HUWE1: variants seen among roughly 807,000 people sequenced by gnomAD.
HUWE1 encodes HECT, UBA and WWE domain containing E3 ubiquitin protein ligase 1.
A neutral mutation model predicts 299.4 loss-of-function variants in HUWE1; 18 were observed. The observed-to-expected ratio is 0.06, with a 90% CI of 0.04 to 0.09. HUWE1 has a LOEUF of 0.09. HUWE1 is among the 10% of genes least tolerant of loss of function. HUWE1 has a pLI of 1.00. For synonymous variants in HUWE1, 1,317 were observed against 1,286.1 expected (o/e 1.02, Z -0.51); for missense variants, 1,832 against 3,462.3 (o/e 0.53, Z 11.82).
chrX:53,670,488 A>G (rs1327377927), intron 3 of HUWE1, among the ~76,000 whole-genome samples: 1 of 111,889 alleles, frequency 8.9e-6, no homozygotes, highest in African/African-American at 3.2e-5. Context: ...AATATAGGGT[A>G]TCATCCAGCT....
intron 68 of HUWE1, 102 bp downstream of exon 68, chrX:53,547,571 A>G (rs1163381941): frequency 1.8e-6 from 2 of 1,131,309 alleles, no homozygotes; most frequent in African/African-American, 3.6e-5. Flanking sequence ...ACACAAACCA[A>G]GCTGATTGCT....
At chrX:53,618,117 A>G (rs184850377) in intron 19 of HUWE1, among the ~76,000 whole-genome samples, 1 of 112,376 alleles carries the variant, frequency 8.9e-6, no homozygotes, top group Non-Finnish European at 1.9e-5. Context: ...GTACAGCATT[A>G]AAGTATTTAT....
intron 58 of HUWE1, 66 bp downstream of exon 58, chrX:53,558,905 C>T (rs1556938044): frequency 8.5e-7 from 1 of 1,173,457 alleles, no homozygotes; most frequent in African/African-American, 1.8e-5. Context: ...AGGGAAACAA[C>T]TCTCCACACG....
At chrX:53,661,458 C>T (rs1557045473) in intron 3 of HUWE1, among the ~76,000 whole-genome samples, 1 of 111,667 alleles carries the variant, frequency 9.0e-6, no homozygotes, top group East Asian at 2.8e-4. Context: ...AGAGAGGAAA[C>T]TAGGGCCCAA....
chrX:53,627,688 T>C lies in HUWE1; in HGVS notation c.1383+51A>G, dbSNP rs782427090. On this transcript the variant is annotated intron_variant, in intron 16 of 83. Transcript: ENST00000262854. ...TAGGGTTATCAGGACAATCCTTAGGTTCAGCTCTGAGTATTAAATTCTGTG... is the reference window on the plus strand; with the variant it reads ...TAGGGTTATCAGGACAATCCTTAGGCTCAGCTCTGAGTATTAAATTCTGTG... 3 of 1,108,488 alleles carry C rather than the reference T, an allele frequency of 2.7e-6. No individual in the cohort carries two copies. The Admixed American group carries it at 6.6e-5, about 24-fold the overall frequency. 91.4% of individuals were successfully genotyped at this position (1,108,488 alleles called of 1,213,427 possible).
intron 53 of HUWE1, among the ~76,000 whole-genome samples, chrX:53,562,516 C>T (rs782211284): frequency 1.2e-4 from 13 of 111,520 alleles, no homozygotes; most frequent in African/African-American, 4.2e-4. Context: ...GCCAAGTCTG[C>T]TGGTGCCCCC....
chrX:53,533,594 G>A, intron 83 of HUWE1, 183 bp from the exon 84 acceptor site: 1 of 471,025 alleles, frequency 2.1e-6, no homozygotes, highest in Admixed American at 3.3e-5. Context: ...TGGCCATCAG[G>A]CACCAAAACC....
At chrX:53,621,432 C>T (rs139766197) in intron 19 of HUWE1, among the ~76,000 whole-genome samples, 356 of 108,697 alleles carry the variant, frequency 3.3e-3, no homozygotes, top group African/African-American at 0.011. Context: ...CAAAGGGATA[C>T]TGAGTTACTT....
intron 52 of HUWE1, 104 bp downstream of exon 52, chrX:53,563,642 A>G: frequency 1.1e-6 from 1 of 910,601 alleles, no homozygotes; most frequent in Non-Finnish European, 1.6e-6. Flanking sequence ...TAGGCTGGCT[A>G]TGAGCCCTTA....
Position 53,533,189 on chromosome X carries a change from G to GT in HUWE1, c.*119dup. ...AGATGGGGCAGCTGGGACACACACG[G>GT]TGAGTTGGTGGATTTCATTTATTGG... is the stretch of plus-strand genomic sequence containing the variant. On this transcript the variant is annotated 3_prime_UTR_variant, in exon 84 of 84. Coordinates refer to ENST00000262854, the MANE Select transcript of HUWE1 (RefSeq NM_031407.7). 1.9e-6 allele frequency: 1 copy of GT among 515,198 alleles called. No homozygotes were observed. The highest frequency in any genetic ancestry group is 2.7e-5 in the South Asian group (1 of 37,402). The allele number at this position is 515,198 out of a possible 1,213,427, so 42.5% of individuals were successfully genotyped here.
Position 53,631,049 on chromosome X carries a change from G to A in HUWE1, c.763-15C>T, listed in dbSNP as rs782190653. The A allele has an allele frequency of 7.1e-6, 7 of 989,367 alleles. No homozygotes were observed. The allele number at this position is 989,367 out of a possible 1,213,427, so 81.5% of individuals were successfully genotyped here. On this transcript the variant is annotated splice_polypyrimidine_tract_variant and intron_variant, in intron 11 of 83. Transcript: ENST00000262854. ...AATAACAGCATCTGTAGAGAGATAA[G>A]ACATACATTTTAAAAACATCAATGA...
chrX:53,654,042 A>T, intron 4 of HUWE1, 21 bp downstream of exon 4: 2 of 1,123,473 alleles, frequency 1.8e-6, no homozygotes, highest in Non-Finnish European at 2.4e-6. Flanking sequence ...AAATAAGCAA[A>T]GTAAACTTTT....
At position 53,535,460 on chromosome X, in the gene HUWE1, G is replaced by A. The variant is rs140734968; in HGVS notation, c.12573C>T (p.Pro4191=). ...FGVCEVRDLK[P]NGANILVTEE... ...CTGTTACCAAGATGTTGGCCCCATT[G>A]GGTTTGAGGTCACGAACTTCACAAA... The change falls in exon 81 of 84, where the codon CCC becomes CCT. Residue 4191 remains proline (P), a synonymous_variant. Transcript: ENST00000262854. The A allele has an allele frequency of 2.5e-6, 3 of 1,206,387 alleles. No homozygotes were observed. In the African/African-American group the frequency reaches 5.3e-5, roughly 21 times the overall value.
chrX:53,628,441 T>G, intron 15 of HUWE1, 52 bp downstream of exon 15: 1 of 1,107,083 alleles, frequency 9.0e-7, no homozygotes, highest in Non-Finnish European at 1.2e-6. Flanking sequence ...CTCTACACCC[T>G]TAGTTGATTT....
chrX:53,573,682 C>G (rs2062949875), intron 47 of HUWE1, 68 bp downstream of exon 47: 2 of 923,774 alleles, frequency 2.2e-6, no homozygotes, highest in Admixed American at 2.2e-5. Flanking sequence ...CCAGCAGTGT[C>G]TGACACAGGC....
chrX:53,621,621 T>C (rs781966200), intron 19 of HUWE1, among the ~76,000 whole-genome samples: 1 of 109,312 alleles, frequency 9.1e-6, no homozygotes, highest in Admixed American at 9.9e-5. Flanking sequence ...CCCCATCAAC[T>C]CTTTGACAGC....
intron 43 of HUWE1, among the ~76,000 whole-genome samples, chrX:53,578,923 T>C (rs868918142): frequency 1.7e-3 from 84 of 48,712 alleles, no homozygotes; most frequent in African/African-American, 6.5e-3. Context: ...GCCCCCCGCC[T>C]GGCCAGCCGC....
At chrX:53,675,695 T>G (rs1268039508) in intron 3 of HUWE1, among the ~76,000 whole-genome samples, 2 of 111,478 alleles carry the variant, frequency 1.8e-5, no homozygotes, top group South Asian at 3.8e-4. Flanking sequence ...TCAGCAGCAC[T>G]TATTACATGC....
intron 83 of HUWE1, 192 bp from the exon 84 acceptor site, chrX:53,533,603 C>A: frequency 2.1e-6 from 1 of 467,455 alleles, no homozygotes; most frequent in Admixed American, 3.4e-5. Flanking sequence ...GGCACCAAAA[C>A]CAAAAATCTG....
Sources: gnomAD v4.1 joint callset for allele counts (sites outside exome capture counted in the v4.1 genomes callset) on GRCh38, gnomAD v4.1.1 for gene constraint, MANE v1.5 for transcripts, NCBI Gene and HGNC (gene_info 2026-07-23, HGNC 2026-07-21) for gene names.